Variants in CRTC3 observed in about 807,000 individuals in gnomAD.
CRTC3 encodes the protein CREB regulated transcription coactivator 3.
CRTC3 carries 26 observed loss-of-function variants against 74.5 expected under a neutral mutation model. The ratio of observed to expected loss-of-function variants is 0.35; its 90% CI spans 0.26 to 0.48. CRTC3 has a LOEUF of 0.48. CRTC3 is among the 20% of genes least tolerant of loss of function. The pLI is 0.99. For missense variants in CRTC3, 760 were observed against 787.3 expected, an observed-to-expected ratio of 0.97 and a Z score of 0.41; for synonymous variants, 377 against 325.8, an observed-to-expected ratio of 1.16 and a Z score of -1.69.
chr15:90,610,685 G>T (rs1968335172), intron 6 of CRTC3, among the ~76,000 whole-genome samples: 1 of 152,178 alleles, frequency 6.6e-6, no homozygotes, highest in South Asian at 2.1e-4. Context: ...GGCAGCATGT[G>T]CACCTTAATG....
rs572181153 is a variant in CRTC3, at chr15:90,587,437, C to T, written c.232-6199C>T. Among the ~76,000 whole-genome samples, 325 of 152,318 alleles carry T rather than the reference C, an allele frequency of 2.1e-3. 2 individuals carry two copies. The highest frequency in any genetic ancestry group is 6.8e-4 in the Non-Finnish European group (46 of 68,032). On this transcript the variant is annotated intron_variant, in intron 2 of 14. Transcript: ENST00000268184. The stretch of plus-strand genomic sequence containing the variant: ...CTCCCCGGTCTATCTAGCACTGGAT[C>T]CCAGACACTGATGTGGAGAACCATT...
intron 3 of CRTC3, 190 bp downstream of exon 3, chr15:90,593,945 T>A: frequency 2.0e-6 from 1 of 502,944 alleles, no homozygotes; most frequent in South Asian, 4.8e-5. Flanking sequence ...TCATTGTAGG[T>A]GTTTATGAAA....
chr15:90,611,238 T>G (rs1968349066), intron 6 of CRTC3, among the ~76,000 whole-genome samples: 1 of 152,122 alleles, frequency 6.6e-6, no homozygotes, highest in Non-Finnish European at 1.5e-5. Context: ...CCTTCCCTTC[T>G]ACTTAGCAAA....
At chr15:90,606,219 C>A (rs953104124) in intron 5 of CRTC3, among the ~76,000 whole-genome samples, 1 of 151,578 alleles carries the variant, frequency 6.6e-6, no homozygotes, top group African/African-American at 2.4e-5. Context: ...TGTACTGCAG[C>A]CTGGGCGACA....
rs900879033 is a variant in CRTC3, at chr15:90,625,694, C to G, written c.750-82C>G. On this transcript the variant is annotated intron_variant, in intron 9 of 14. Coordinates refer to ENST00000268184, the MANE Select transcript of CRTC3 (RefSeq NM_022769.5). ...TTTTGTAGCCACTGCTCTTATTTGACAAGGAAAAGGTTTCAGCCATGTTTG... is the reference window on the plus strand; with the variant it reads ...TTTTGTAGCCACTGCTCTTATTTGAGAAGGAAAAGGTTTCAGCCATGTTTG... 4 of 1,276,342 alleles carry G rather than the reference C, an allele frequency of 3.1e-6. No homozygotes were observed. In the African/African-American group the frequency reaches 5.9e-5, roughly 19 times the overall value. 79.1% of individuals were successfully genotyped at this position (1,276,342 alleles called of 1,614,324 possible).
rs112642249 is a variant in CRTC3, at chr15:90,544,771, T to C, written c.231+4634T>C. Among the ~76,000 whole-genome samples the C allele has an allele frequency of 6.2e-3, 949 of 152,370 alleles. 12 individuals are homozygous for C. The highest frequency in any genetic ancestry group is 0.021 in the African/African-American group (894 of 41,586). On this transcript the variant is annotated intron_variant, in intron 2 of 14. Transcript: ENST00000268184. The stretch of plus-strand genomic sequence containing the variant: ...CAGTGCATGAGAGTTCCAGCGACCC[T>C]GTATCTGCTCTAGCACTTGGTATTT...
intron 7 of CRTC3, 197 bp downstream of exon 7, chr15:90,614,685 G>A (rs965622166): frequency 8.3e-6 from 4 of 484,370 alleles, no homozygotes; most frequent in African/African-American, 2.0e-5. Flanking sequence ...GGAAATATGT[G>A]GTTGCATTAC....
chr15:90,616,295 T>C (rs1472170416), intron 7 of CRTC3, among the ~76,000 whole-genome samples: 1 of 152,188 alleles, frequency 6.6e-6, no homozygotes, highest in Non-Finnish European at 1.5e-5. Flanking sequence ...AAGAGCATTG[T>C]ATCCTCCCCT....
intron 2 of CRTC3, among the ~76,000 whole-genome samples, chr15:90,582,201 G>A (rs931273793): frequency 1.3e-5 from 2 of 152,070 alleles, no homozygotes; most frequent in African/African-American, 2.4e-5. Flanking sequence ...TGTCTTATTA[G>A]CATTAAAGTT....
intron 2 of CRTC3, among the ~76,000 whole-genome samples, chr15:90,568,205 G>T (rs1156659978): frequency 6.6e-6 from 1 of 152,224 alleles, no homozygotes; most frequent in Non-Finnish European, 1.5e-5. Context: ...AATGGATGAG[G>T]AATTGCTTCT....
chr15:90,539,025 C>A (rs1050911488), intron 1 of CRTC3, among the ~76,000 whole-genome samples: 1 of 152,280 alleles, frequency 6.6e-6, no homozygotes, highest in African/African-American at 2.4e-5. Context: ...CCGAGAACAG[C>A]ACCTGGCCCA....
At chr15:90,602,746 C>T (rs142398681) in intron 4 of CRTC3, among the ~76,000 whole-genome samples, 4,237 of 152,102 alleles carry the variant, frequency 0.028, 173 homozygotes, top group African/African-American at 0.094. Flanking sequence ...GAGGCTGAGG[C>T]GGGCAGATCA....
intron 2 of CRTC3, among the ~76,000 whole-genome samples, chr15:90,584,769 G>A (rs910959054): frequency 6.6e-6 from 1 of 151,802 alleles, no homozygotes; most frequent in African/African-American, 2.4e-5. Flanking sequence ...AGGGTAGATA[G>A]ACACTACCCT....
intron 2 of CRTC3, among the ~76,000 whole-genome samples, chr15:90,568,758 A>G (rs1166584257): frequency 6.6e-6 from 1 of 152,236 alleles, no homozygotes; most frequent in Non-Finnish European, 1.5e-5. Context: ...TCATATTTTA[A>G]GAAATTTCCA....
intron 2 of CRTC3, among the ~76,000 whole-genome samples, chr15:90,567,691 A>AAAATAAATAAAT (rs143830684): frequency 0.013 from 1,937 of 145,644 alleles, 37 homozygotes; most frequent in African/African-American, 0.036. Flanking sequence ...TCCGTCTCAA[A>AAAATAAATAAAT]AAATAAATAA....
At chr15:90,624,634 A>C (rs6496709) in intron 9 of CRTC3, among the ~76,000 whole-genome samples, 2,789 of 152,204 alleles carry the variant, frequency 0.018, 102 homozygotes, top group African/African-American at 0.064. Context: ...GGTGTCACTT[A>C]TATGCACTGG....
chr15:90,553,184 C>T (rs959139137), intron 2 of CRTC3, among the ~76,000 whole-genome samples: 2 of 152,156 alleles, frequency 1.3e-5, no homozygotes, highest in African/African-American at 4.8e-5. Flanking sequence ...TGACATTTTT[C>T]TGACCTTGTC....
At chr15:90,604,141 T>C in intron 4 of CRTC3, 1 of 429,654 alleles carries the variant, frequency 2.3e-6, no homozygotes. Context: ...TAGCTAATCC[T>C]GTGCCTTATG....
intron 11 of CRTC3, among the ~76,000 whole-genome samples, chr15:90,633,885 G>T (rs1969134611): frequency 6.6e-6 from 1 of 151,178 alleles, no homozygotes; most frequent in African/African-American, 2.4e-5. Flanking sequence ...TTCCATTTCT[G>T]CTCTCATTTT....
Sources: gnomAD v4.1 joint callset for allele counts (sites outside exome capture counted in the v4.1 genomes callset) on GRCh38, gnomAD v4.1.1 for gene constraint, MANE v1.5 for transcripts, NCBI Gene and HGNC (gene_info 2026-07-23, HGNC 2026-07-21) for gene names.